Variants in DCAF6 observed in about 807,000 individuals in gnomAD.
DCAF6 encodes the protein DDB1- and CUL4-associated factor 6.
Under a neutral mutation model 125.1 loss-of-function variants are expected in DCAF6, and 54 were observed. The ratio of observed to expected loss-of-function variants is 0.43; its 90% confidence interval spans 0.35 to 0.54. The LOEUF (loss-of-function observed/expected upper bound fraction) is 0.54. DCAF6 is among the 20% of genes least tolerant of loss of function. DCAF6 has a pLI of 0.01. For missense variants in DCAF6, 934 were observed against 1,161.7 expected (o/e 0.80, Z 2.85); for synonymous variants, 371 against 390.4 (o/e 0.95, Z 0.58).
intron 4 of DCAF6, among the ~76,000 whole-genome samples, 183 bp from the exon 5 acceptor site, chr1:167,987,312 T>A (rs1680147544): frequency 6.6e-6 from 1 of 152,334 alleles, no homozygotes; most frequent in Admixed American, 6.5e-5. Context: ...CAACAATTAC[T>A]TCTTATCTAT....
At chr1:168,007,179 T>G (rs1019242383) in intron 10 of DCAF6, among the ~76,000 whole-genome samples, 1 of 152,224 alleles carries the variant, frequency 6.6e-6, no homozygotes, top group Non-Finnish European at 1.5e-5. Flanking sequence ...ACTCACATTG[T>G]GATAGAAGCA....
chr1:168,005,812 C>G (rs1311563842), intron 10 of DCAF6, among the ~76,000 whole-genome samples: 1 of 152,058 alleles, frequency 6.6e-6, no homozygotes, highest in Non-Finnish European at 1.5e-5. Context: ...GGAATAAAAG[C>G]CAGAGTCAGT....
the DCAF6 span, chr1:167,905,148 A>G: frequency 6.2e-7 from 1 of 1,614,092 alleles, no homozygotes; most frequent in Admixed American, 1.7e-5. Context: ...CATGTTCAAG[A>G]CAAATGTTCA....
At position 167,938,378 on chromosome 1, in the gene DCAF6, A is replaced by T. The variant is rs574564024; in HGVS notation, c.97+1370A>T. Reference sequence around the variant, plus strand: ...TTTCCATGGCAGTAAAAATAGATTGATTCTGTCTTTTAAATTATTACATAG... The same window carrying T: ...TTTCCATGGCAGTAAAAATAGATTGTTTCTGTCTTTTAAATTATTACATAG... On this transcript the variant is annotated intron_variant, in intron 1 of 21. Transcript: ENST00000367840. Among the ~76,000 whole-genome samples, 3 of 152,230 alleles carry T rather than the reference A, an allele frequency of 2.0e-5. No homozygotes were observed. The East Asian group carries it at 5.8e-4, about 29-fold the overall frequency.
intron 21 of DCAF6, among the ~76,000 whole-genome samples, chr1:168,075,022 A>G (rs1693642475): frequency 6.6e-6 from 1 of 152,180 alleles, no homozygotes; most frequent in Non-Finnish European, 1.5e-5. Flanking sequence ...AATCGTCCAC[A>G]TATTTTCTCT....
chr1:168,075,016 G>A (rs1027740712), intron 21 of DCAF6, among the ~76,000 whole-genome samples: 8 of 151,924 alleles, frequency 5.3e-5, no homozygotes, highest in Non-Finnish European at 8.8e-5. Context: ...CTCAACAATC[G>A]TCCACATATT....
At chr1:168,031,053 G>A (rs1285909388) in intron 12 of DCAF6, among the ~76,000 whole-genome samples, 1 of 152,140 alleles carries the variant, frequency 6.6e-6, no homozygotes, top group African/African-American at 2.4e-5. Context: ...GTTGAAAATC[G>A]GTTGGGTAGT....
the DCAF6 span, among the ~76,000 whole-genome samples, chr1:167,902,845 TTC>T: frequency 6.6e-6 from 1 of 152,250 alleles, no homozygotes; most frequent in African/African-American, 2.4e-5. Context: ...CTCTAAGTGC[TTC>T]AGCATCCATC....
the DCAF6 span, among the ~76,000 whole-genome samples, chr1:167,863,617 C>T: frequency 6.6e-6 from 1 of 152,098 alleles, no homozygotes; most frequent in Non-Finnish European, 1.5e-5. Context: ...AACAGATGGT[C>T]GAGGCAGCTC....
chr1:168,006,353 T>G lies in DCAF6; in HGVS notation c.1378+1560T>G, dbSNP rs528528612. Among the ~76,000 whole-genome samples, 5 of 152,290 alleles carry G rather than the reference T, an allele frequency of 3.3e-5. No individual in the cohort carries two copies. In the South Asian group the frequency reaches 1.0e-3, roughly 32 times the overall value. ...GCAGTACTTTTACTCATAAATTATT[T>G]ATAGGAAGTAAGGAAATATTTTTAA... On this transcript the variant is annotated intron_variant, in intron 10 of 21. Coordinates refer to ENST00000367840, the MANE Select transcript of DCAF6 (RefSeq NM_001198956.2).
At chr1:167,919,972 G>C in the DCAF6 span, 1 of 1,598,764 alleles carries the variant, frequency 6.3e-7, no homozygotes, top group South Asian at 1.1e-5. Context: ...ATCTCTGGTA[G>C]GCTTACCTCC....
intron 11 of DCAF6, among the ~76,000 whole-genome samples, chr1:168,021,849 C>T (rs1183392982): frequency 6.6e-6 from 1 of 152,168 alleles, no homozygotes; most frequent in Non-Finnish European, 1.5e-5. Flanking sequence ...TAAGGGCAAT[C>T]TTAAAATACC....
intron 3 of DCAF6, among the ~76,000 whole-genome samples, chr1:167,969,782 A>G (rs932329587): frequency 2.0e-5 from 3 of 152,024 alleles, no homozygotes; most frequent in African/African-American, 7.2e-5. Flanking sequence ...TTTATTTTTT[A>G]TTATTCTTTT....
In DCAF6 at chr1:167,942,792, C is replaced by G. The variant is rs375600784; in HGVS notation, c.97+5784C>G. On this transcript the variant is annotated intron_variant, in intron 1 of 21. Transcript: ENST00000367840. ...CAGTGTGTGGAAAGACTACTTTTTT[C>G]CCTTTGTTGAAAATCAATTGACCAT... 7.8e-4 allele frequency among the ~76,000 whole-genome samples: 119 copies of G among 152,168 alleles called. 1 individual carries two copies. In the South Asian group the frequency reaches 0.023, roughly 29 times the overall value.
At chr1:167,955,474 G>A (rs1571649546) in intron 2 of DCAF6, among the ~76,000 whole-genome samples, 1 of 151,206 alleles carries the variant, frequency 6.6e-6, no homozygotes, top group East Asian at 1.9e-4. Context: ...ATTCTAACAG[G>A]CATCTAGTAG....
intron 13 of DCAF6, 84 bp downstream of exon 13, chr1:168,038,572 A>G: frequency 9.8e-7 from 1 of 1,016,380 alleles, no homozygotes; most frequent in Admixed American, 2.5e-5. Flanking sequence ...CGTCATCTTT[A>G]TGTTTTGTTT....
the DCAF6 span, among the ~76,000 whole-genome samples, chr1:167,915,762 C>T: frequency 6.6e-6 from 1 of 152,188 alleles, no homozygotes; most frequent in Non-Finnish European, 1.5e-5. Context: ...GTTTCCTGAA[C>T]TTTCCATATC....
the DCAF6 span, chr1:167,883,507 G>C: frequency 1.9e-6 from 3 of 1,614,066 alleles, no homozygotes; most frequent in South Asian, 1.1e-5. Context: ...GTGCATATAG[G>C]CATCCTGGAT....
intron 13 of DCAF6, among the ~76,000 whole-genome samples, chr1:168,040,609 A>G (rs1457251660): frequency 6.6e-6 from 1 of 151,854 alleles, no homozygotes; most frequent in East Asian, 1.9e-4. Context: ...TTCTTAATAC[A>G]TAATTTAAGA....
Sources: allele counts gnomAD v4.1 joint callset (sites outside exome capture counted in the v4.1 genomes callset), GRCh38; gene constraint gnomAD v4.1.1; transcripts MANE v1.5; gene names NCBI Gene and HGNC (gene_info 2026-07-23, HGNC 2026-07-21).